The following RNGTT variants were observed in gnomAD, a reference collection of about 807,000 sequenced individuals.
RNGTT encodes RNA guanylyltransferase and 5'-phosphatase.
RNGTT carries 33 observed loss-of-function variants against 79.3 expected under a neutral mutation model. The observed-to-expected ratio is 0.42, with a 90% confidence interval of 0.32 to 0.56. The LOEUF (loss-of-function observed/expected upper bound fraction) is 0.56. Among genes scored for constraint, RNGTT ranks in the 20% least tolerant of loss-of-function variants. The probability of loss-of-function intolerance (pLI) is 0.17; values close to 1 mark genes in which losing one functional copy is unlikely to be tolerated. For missense variants in RNGTT, 497 were observed against 739.1 expected (o/e 0.67, Z 3.80); for synonymous variants, 222 against 235.9 (o/e 0.94, Z 0.54).
chr6:88,642,194 C>G (rs1773348601), intron 14 of RNGTT, among the ~76,000 whole-genome samples: 1 of 152,164 alleles, frequency 6.6e-6, no homozygotes, highest in Non-Finnish European at 1.5e-5. Context: ...TGAGAAATGA[C>G]AGCTGACAGC....
chr6:88,643,295 G>A (rs982535467), intron 14 of RNGTT, among the ~76,000 whole-genome samples: 9 of 152,090 alleles, frequency 5.9e-5, no homozygotes, highest in African/African-American at 1.2e-4. Flanking sequence ...ACTGAATATA[G>A]TACTGAAAGG....
intron 14 of RNGTT, among the ~76,000 whole-genome samples, chr6:88,669,116 G>A (rs953681438): frequency 1.3e-5 from 2 of 152,056 alleles, no homozygotes; most frequent in South Asian, 2.1e-4. Context: ...GTAAACCTAG[G>A]AATTGATGGA....
rs1582232605 is a variant in RNGTT, at chr6:88,612,662, C to CAACA, written c.*53_*56dup. 4 of 1,462,944 alleles carry CAACA rather than the reference C, an allele frequency of 2.7e-6. No homozygotes were observed. In the East Asian group the frequency reaches 9.9e-5, roughly 36 times the overall value. 90.6% of individuals were successfully genotyped at this position (1,462,944 alleles called of 1,614,324 possible). ...CAATTTCTCTGGCTACAAAAATGGG[C>CAACA]AACAGCGTTTTTTCCTCATTCCTCT... On this transcript the variant is annotated 3_prime_UTR_variant, in exon 16 of 16. Coordinates refer to ENST00000369485, the MANE Select transcript of RNGTT (RefSeq NM_003800.5).
chr6:88,648,582 C>T (rs1364340001), intron 14 of RNGTT, among the ~76,000 whole-genome samples: 2 of 152,048 alleles, frequency 1.3e-5, no homozygotes, highest in African/African-American at 2.4e-5. Context: ...CTCTTGTACC[C>T]CAGGCGAACA....
chr6:88,848,836 T>C (rs1562284094), intron 10 of RNGTT, among the ~76,000 whole-genome samples: 1 of 152,036 alleles, frequency 6.6e-6, no homozygotes, highest in Non-Finnish European at 1.5e-5. Context: ...AAAAAGAAAG[T>C]GGACCAAAAG....
intron 11 of RNGTT, among the ~76,000 whole-genome samples, chr6:88,829,422 T>C (rs1335523113): frequency 2.0e-5 from 3 of 152,004 alleles, no homozygotes; most frequent in Non-Finnish European, 4.4e-5. Flanking sequence ...TGCAAAAACA[T>C]ACCAAATTGT....
intron 12 of RNGTT, among the ~76,000 whole-genome samples, chr6:88,780,926 G>A (rs1779042062): frequency 6.6e-6 from 1 of 152,164 alleles, no homozygotes; most frequent in Non-Finnish European, 1.5e-5. Flanking sequence ...TTGCCTCCAA[G>A]GGATATTTGG....
At chr6:88,770,879 T>C (rs929720755) in intron 12 of RNGTT, among the ~76,000 whole-genome samples, 3 of 152,178 alleles carry the variant, frequency 2.0e-5, no homozygotes, top group South Asian at 2.1e-4. Context: ...ATCTTTTCTT[T>C]TGTTTATTGC....
intron 14 of RNGTT, among the ~76,000 whole-genome samples, chr6:88,654,202 C>CCTT (rs780688914): frequency 2.6e-4 from 40 of 152,228 alleles, no homozygotes; most frequent in Admixed American, 1.4e-3. Flanking sequence ...TTTCCTTTAA[C>CCTT]CTTCGTTTAC....
chr6:88,886,102 G>A lies in RNGTT; in HGVS notation c.896+4393C>T, dbSNP rs939669111. Among the ~76,000 whole-genome samples the A allele has an allele frequency of 1.5e-4, 23 of 152,224 alleles. 1 individual carries two copies. Among genetic ancestry groups the A allele is most frequent in the Non-Finnish European group, 2.2e-4 (15 of 67,988 alleles). On this transcript the variant is annotated intron_variant, in intron 8 of 15. Coordinates refer to ENST00000369485, the MANE Select transcript of RNGTT (RefSeq NM_003800.5). ...AGGCGGATCACGACGTCAGGAGATC[G>A]AGACCATCCTGGCTAACACGTTGAA...
Position 88,698,529 on chromosome 6 carries a change from T to C in RNGTT, c.1440-20110A>G, listed in dbSNP as rs899415803. Among the ~76,000 whole-genome samples the C allele has an allele frequency of 4.6e-5, 7 of 151,430 alleles. No individual in the cohort carries two copies. The South Asian group carries it at 1.2e-3, about 27-fold the overall frequency. Reference sequence around the variant, plus strand: ...GAGTAACTACTGGCTAGCTATCATTTGTAAAAGGCCTTGAACAAACTTTTT... The same window carrying C: ...GAGTAACTACTGGCTAGCTATCATTCGTAAAAGGCCTTGAACAAACTTTTT... On this transcript the variant is annotated intron_variant, in intron 13 of 15. Transcript: ENST00000369485.
chr6:88,690,523 G>A (rs1775440617), intron 13 of RNGTT, among the ~76,000 whole-genome samples: 1 of 151,988 alleles, frequency 6.6e-6, no homozygotes, highest in Non-Finnish European at 1.5e-5. Flanking sequence ...CCTGGGCAAT[G>A]TAGCAAGACC....
At chr6:88,951,836 A>T (rs1018602962) in intron 1 of RNGTT, among the ~76,000 whole-genome samples, 13 of 152,222 alleles carry the variant, frequency 8.5e-5, no homozygotes, top group Admixed American at 8.5e-4. Context: ...GGGAAAGCAG[A>T]CAGCAGAATT....
chr6:88,645,176 G>A (rs1214044233), intron 14 of RNGTT, among the ~76,000 whole-genome samples: 4 of 152,260 alleles, frequency 2.6e-5, no homozygotes, highest in Non-Finnish European at 4.4e-5. Context: ...CAAAATCAAC[G>A]TGCAAAAATC....
At chr6:88,787,435 C>T (rs750818186) in intron 12 of RNGTT, among the ~76,000 whole-genome samples, 8 of 151,874 alleles carry the variant, frequency 5.3e-5, no homozygotes, top group Non-Finnish European at 1.0e-4. Context: ...CCGAGGTGGG[C>T]GGATCACAAG....
chr6:88,748,492 T>C (rs1562232027), intron 13 of RNGTT, among the ~76,000 whole-genome samples: 1 of 152,108 alleles, frequency 6.6e-6, no homozygotes, highest in African/African-American at 2.4e-5. Context: ...ACTTAAAATA[T>C]TTTAATTTGT....
chr6:88,913,098 G>A (rs375043096), intron 4 of RNGTT, among the ~76,000 whole-genome samples: 4 of 151,878 alleles, frequency 2.6e-5, no homozygotes, highest in South Asian at 2.1e-4. Context: ...CCAGCTAATC[G>A]GGAGGCTGAG....
intron 4 of RNGTT, among the ~76,000 whole-genome samples, chr6:88,915,519 G>GA (rs1354811836): frequency 2.6e-5 from 4 of 152,164 alleles, no homozygotes; most frequent in African/African-American, 7.2e-5. Flanking sequence ...CGCAGAAACA[G>GA]AAAACCACCT....
At chr6:88,731,561 A>C (rs929670412) in intron 13 of RNGTT, among the ~76,000 whole-genome samples, 2 of 152,250 alleles carry the variant, frequency 1.3e-5, no homozygotes, top group Non-Finnish European at 2.9e-5. Flanking sequence ...TGGAAACTCT[A>C]AGAATGAATG....
Sources: allele counts gnomAD v4.1 joint callset (sites outside exome capture counted in the v4.1 genomes callset), GRCh38; gene constraint gnomAD v4.1.1; transcripts MANE v1.5; gene names NCBI Gene and HGNC (gene_info 2026-07-23, HGNC 2026-07-21).